KLHL32: variants seen among roughly 807,000 people sequenced by gnomAD.
KLHL32 encodes kelch like family member 32.
In KLHL32, 35 loss-of-function variants were observed where a neutral mutation model predicts 64.8. That is an observed-to-expected ratio of 0.54 (90% CI 0.41 to 0.72). KLHL32 has a LOEUF of 0.72. KLHL32 is among the 30% of genes least tolerant of loss of function. KLHL32 has a pLI of 0.00. For missense variants in KLHL32, 589 were observed against 768.5 expected (o/e 0.77, Z 2.76); for synonymous variants, 259 against 281.0 (o/e 0.92, Z 0.78).
chr6:96,998,925 T>C (rs1044121953), intron 3 of KLHL32, among the ~76,000 whole-genome samples: 3 of 152,222 alleles, frequency 2.0e-5, no homozygotes, highest in Admixed American at 6.5e-5. Context: ...AAAATCTGTT[T>C]ATAGAAATCA....
chr6:97,099,525 C>T (rs1795422517), intron 6 of KLHL32, among the ~76,000 whole-genome samples: 1 of 152,228 alleles, frequency 6.6e-6, no homozygotes, highest in Admixed American at 6.5e-5. Flanking sequence ...CCTACAGATT[C>T]TCTTTTGCAA....
At position 97,013,791 on chromosome 6, in the gene KLHL32, T is replaced by C. The variant is rs1780725447; in HGVS notation, c.205-27701T>C. 1.3e-5 allele frequency among the ~76,000 whole-genome samples: 2 copies of C among 152,190 alleles called. 1 individual carries two copies. Among genetic ancestry groups the C allele is most frequent in the Non-Finnish European group, 2.9e-5 (2 of 68,038 alleles). The stretch of plus-strand genomic sequence containing the variant: ...ACTAAGGCAAAGGAAGAAAACAGCG[T>C]ATTATGGGAGTCAAGCCAACTTTGC... On this transcript the variant is annotated intron_variant, in intron 3 of 10. Coordinates refer to ENST00000369261, the MANE Select transcript of KLHL32 (RefSeq NM_052904.4).
At chr6:97,113,718 T>C in intron 6 of KLHL32, 65 bp from the exon 7 acceptor site, 2 of 1,561,064 alleles carry the variant, frequency 1.3e-6, no homozygotes, top group Middle Eastern at 1.7e-4. Context: ...CCTACCTATA[T>C]GCTGTTGCTT....
chr6:96,914,603 A>G, the KLHL32 span: 1 of 151,970 alleles, frequency 6.6e-6, no homozygotes, highest in Non-Finnish European at 1.5e-5. Flanking sequence ...AAGCCTCAAC[A>G]CCGTTCCTTT....
Position 97,132,631 on chromosome 6 carries a change from T to C in KLHL32, c.1607-22T>C, listed in dbSNP as rs1562369262. On this transcript the variant is annotated intron_variant, in intron 9 of 10. Transcript: ENST00000369261. The stretch of plus-strand genomic sequence containing the variant: ...GTAAGAAATGGATTTTTTTTCTTTT[T>C]ATTCAATTCTCTTTACTTTAGGCCA... 3.3e-6 allele frequency: 5 copies of C among 1,533,170 alleles called. No individual in the cohort carries two copies. In the African/African-American group the frequency reaches 6.9e-5, roughly 21 times the overall value. The allele number at this position is 1,533,170 out of a possible 1,614,324, so 95.0% of individuals were successfully genotyped here.
At chr6:96,969,723 A>G (rs1181654037) in intron 2 of KLHL32, among the ~76,000 whole-genome samples, 3 of 152,074 alleles carry the variant, frequency 2.0e-5, no homozygotes, top group Admixed American at 6.5e-5. Context: ...CTTCTCAGCA[A>G]CCTTTGAGTG....
chr6:97,051,667 CTG>C (rs1786931745), intron 4 of KLHL32, among the ~76,000 whole-genome samples: 1 of 152,170 alleles, frequency 6.6e-6, no homozygotes, highest in East Asian at 1.9e-4. Flanking sequence ...TGAGTGTTGA[CTG>C]CACTCAGAAT....
chr6:97,016,799 G>C (rs1327639373), intron 3 of KLHL32, among the ~76,000 whole-genome samples: 1 of 152,212 alleles, frequency 6.6e-6, no homozygotes, highest in South Asian at 2.1e-4. Context: ...GGGACCTGGT[G>C]TGAGATGGTT....
At chr6:97,000,690 T>G (rs9487706) in intron 3 of KLHL32, among the ~76,000 whole-genome samples, 13,312 of 152,236 alleles carry the variant, frequency 0.087, 1,240 homozygotes, top group Admixed American at 0.22. Context: ...TTCCTGTCAC[T>G]ATTACTTTGG....
intron 1 of KLHL32, among the ~76,000 whole-genome samples, chr6:96,934,455 AC>A (rs1486506632): frequency 6.7e-6 from 1 of 148,294 alleles, no homozygotes; most frequent in Non-Finnish European, 1.5e-5. Context: ...CTTAACAACA[AC>A]AACAAAAAAA....
chr6:96,991,477 G>C (rs1041043410), intron 3 of KLHL32, among the ~76,000 whole-genome samples: 2 of 152,052 alleles, frequency 1.3e-5, no homozygotes, highest in Non-Finnish European at 2.9e-5. Context: ...TAATGGCAGA[G>C]GGGCTATGGG....
the KLHL32 span, among the ~76,000 whole-genome samples, chr6:96,907,247 G>C: frequency 1.3e-5 from 2 of 152,134 alleles, no homozygotes; most frequent in African/African-American, 4.8e-5. Context: ...TCTTCATCCA[G>C]TATCCATAAT....
intron 4 of KLHL32, among the ~76,000 whole-genome samples, chr6:97,063,981 A>G (rs1229378774): frequency 1.3e-5 from 2 of 152,224 alleles, no homozygotes; most frequent in Admixed American, 6.5e-5. Context: ...AATTGGTATC[A>G]CCAGGATACT....
intron 3 of KLHL32, among the ~76,000 whole-genome samples, chr6:97,023,012 A>G (rs1166861549): frequency 6.6e-6 from 1 of 152,170 alleles, no homozygotes; most frequent in Non-Finnish European, 1.5e-5. Context: ...AAACCATCAG[A>G]TATCATGAGA....
chr6:97,004,739 G>A (rs954557136), intron 3 of KLHL32, among the ~76,000 whole-genome samples: 2 of 152,042 alleles, frequency 1.3e-5, no homozygotes, highest in African/African-American at 4.8e-5. Flanking sequence ...GAATCATAAG[G>A]TTTTGGTTTT....
chr6:97,070,325 A>G (rs990069282), intron 5 of KLHL32, among the ~76,000 whole-genome samples: 4 of 152,206 alleles, frequency 2.6e-5, no homozygotes, highest in Non-Finnish European at 4.4e-5. Context: ...ACTAGTAATT[A>G]TTTGTTCTAA....
chr6:97,011,045 G>C (rs187806209), intron 3 of KLHL32, among the ~76,000 whole-genome samples: 2 of 152,296 alleles, frequency 1.3e-5, no homozygotes, highest in African/African-American at 2.4e-5. Flanking sequence ...TGGTAAATGA[G>C]AGCTTCCCAG....
intron 3 of KLHL32, among the ~76,000 whole-genome samples, chr6:97,027,173 A>AG (rs541489855): frequency 1.3e-5 from 2 of 151,966 alleles, no homozygotes; most frequent in Admixed American, 6.5e-5. Context: ...AAAAAAAAAA[A>AG]AAAAGAAAAA....
intron 6 of KLHL32, among the ~76,000 whole-genome samples, chr6:97,098,770 A>ATTATT (rs1173613435): frequency 6.6e-6 from 1 of 152,176 alleles, no homozygotes; most frequent in Non-Finnish European, 1.5e-5. Context: ...ACCACAAATG[A>ATTATT]TTATTTTTTT....
Sources: allele counts gnomAD v4.1 joint callset (sites outside exome capture counted in the v4.1 genomes callset), GRCh38; gene constraint gnomAD v4.1.1; transcripts MANE v1.5; gene names NCBI Gene and HGNC (gene_info 2026-07-23, HGNC 2026-07-21).